Variants in ZFYVE28 observed in about 807,000 individuals in gnomAD.
ZFYVE28 encodes lateral signaling target protein 2 homolog.
In ZFYVE28, 40 loss-of-function variants were observed where a neutral mutation model predicts 82.1. The ratio of observed to expected loss-of-function variants is 0.49; its 90% CI spans 0.38 to 0.63. The LOEUF (loss-of-function observed/expected upper bound fraction) is 0.63. ZFYVE28 is among the 30% of genes least tolerant of loss of function. ZFYVE28 has a pLI of 0.00. For synonymous variants in ZFYVE28, 612 were observed against 546.1 expected, an observed-to-expected ratio of 1.12 and a Z score of -1.68; for missense variants, 1,321 against 1,242.1, an observed-to-expected ratio of 1.06 and a Z score of -0.96.
intron 6 of ZFYVE28, chr4:2,330,841 T>C (rs1560214248): frequency 6.6e-7 from 1 of 1,524,326 alleles, no homozygotes; most frequent in African/African-American, 1.5e-5. Flanking sequence ...AGCGGGTGCG[T>C]GGGGACTGGG....
chr4:2,276,078 A>G (rs1028173257), intron 8 of ZFYVE28, among the ~76,000 whole-genome samples: 1 of 152,376 alleles, frequency 6.6e-6, no homozygotes, highest in East Asian at 1.9e-4. Context: ...CAGCCTCGTG[A>G]CGTAAACCCT....
chr4:2,321,392 G>A (rs376550700), intron 6 of ZFYVE28, among the ~76,000 whole-genome samples: 22 of 152,262 alleles, frequency 1.4e-4, no homozygotes, highest in African/African-American at 5.3e-4. Flanking sequence ...AAATCGTTGG[G>A]TTTCATGTGC....
At chr4:2,354,122 G>T (rs771827977) in intron 1 of ZFYVE28, 49 bp from the exon 2 acceptor site, 1 of 1,432,096 alleles carries the variant, frequency 7.0e-7, no homozygotes, top group Admixed American at 2.6e-5. Context: ...AACTGGAGGG[G>T]ATGCCTCGGT....
rs559971909 is a variant in ZFYVE28 at position 2,372,478 on chromosome 4, G to A, written c.40-18405C>T. Among the ~76,000 whole-genome samples the A allele has an allele frequency of 5.9e-5, 9 of 151,906 alleles. No homozygotes were observed. The highest frequency in any genetic ancestry group is 2.6e-4 in the Admixed American group (4 of 15,278). On this transcript the variant is annotated intron_variant, in intron 1 of 12. Coordinates refer to ENST00000290974, the MANE Select transcript of ZFYVE28 (RefSeq NM_020972.3). This position sits in a 1 kb window ranked among gnomAD's most constrained non-coding sequence, Gnocchi z 5.2. ...ACCCAACACCTGACTCACCCGATTC[G>A]GGTCTCTGCCTGGACGTCACCATCA...
chr4:2,305,275 C>T lies in ZFYVE28; in HGVS notation c.1065G>A (p.Glu355=). 6.2e-7 allele frequency: 1 copy of T among 1,613,084 alleles called. No individual in the cohort carries two copies. Among genetic ancestry groups the T allele is most frequent in the South Asian group, 1.1e-5 (1 of 91,080 alleles). The part of the protein sequence containing the change: ...LSRMVHRAGD[E]MSSLLSPPIA... ...TGGGCGGTGAAAGCAAAGAGGACAT[C>T]TCGTCCCCCGCCCTGTGGACCATGC... Residue 355 remains glutamate, a synonymous_variant, in exon 8 of 13, where the codon GAG becomes GAA. Transcript: ENST00000290974.
chr4:2,299,338 A>G (rs1451744637), intron 8 of ZFYVE28, among the ~76,000 whole-genome samples: 3 of 151,996 alleles, frequency 2.0e-5, no homozygotes, highest in Non-Finnish European at 2.9e-5. Context: ...AGTGTTGGCG[A>G]GGGATGGCAC....
chr4:2,293,646 G>C (rs10452335), intron 8 of ZFYVE28, among the ~76,000 whole-genome samples: 1 of 150,984 alleles, frequency 6.6e-6, no homozygotes, highest in African/African-American at 2.4e-5. Flanking sequence ...CCAGCTACTC[G>C]GGAGGCTGAG....
intron 6 of ZFYVE28, chr4:2,325,027 T>G (rs1267672424): frequency 6.4e-6 from 1 of 155,500 alleles, no homozygotes; most frequent in African/African-American, 2.4e-5. Flanking sequence ...TTTAAATAAC[T>G]AGAATGCAAA....
intron 2 of ZFYVE28, 89 bp downstream of exon 2, chr4:2,353,844 G>A: frequency 7.8e-7 from 1 of 1,288,410 alleles, no homozygotes; most frequent in Non-Finnish European, 9.9e-7. Context: ...CAGGGGGCCA[G>A]CAGGTGACAA....
chr4:2,342,681 T>G (rs1432767856), intron 2 of ZFYVE28: 4 of 152,266 alleles, frequency 2.6e-5, no homozygotes, highest in Non-Finnish European at 5.9e-5. Context: ...CCCATTTTTT[T>G]ACATCTTAAA....
At chr4:2,323,010 G>A (rs546477517) in intron 6 of ZFYVE28, among the ~76,000 whole-genome samples, 34 of 152,284 alleles carry the variant, frequency 2.2e-4, no homozygotes, top group Admixed American at 1.4e-3. Context: ...ATAAACATTC[G>A]TGTAGAAGTT....
intron 1 of ZFYVE28, among the ~76,000 whole-genome samples, chr4:2,359,542 G>A (rs1372690639): frequency 6.6e-6 from 1 of 152,228 alleles, no homozygotes; most frequent in Non-Finnish European, 1.5e-5. Context: ...GGCAGGTAGA[G>A]GGCCGACTTT....
intron 1 of ZFYVE28, among the ~76,000 whole-genome samples, chr4:2,389,542 C>G (rs1729610680): frequency 6.6e-6 from 1 of 152,186 alleles, no homozygotes; most frequent in South Asian, 2.1e-4. Context: ...ACATGTAAGG[C>G]CAGGCGGCTT....
intron 1 of ZFYVE28, chr4:2,364,579 C>A: frequency 1.0e-6 from 1 of 985,570 alleles, no homozygotes; most frequent in Non-Finnish European, 1.2e-6. Flanking sequence ...CGGCACTGGG[C>A]ACAGACGCCC....
chr4:2,354,895 A>C (rs1474415962), intron 1 of ZFYVE28, among the ~76,000 whole-genome samples: 5 of 151,456 alleles, frequency 3.3e-5, no homozygotes, highest in African/African-American at 1.2e-4. Context: ...TTTGCCACAC[A>C]CCCCCCACTT....
At chr4:2,355,177 C>G (rs1725051307) in intron 1 of ZFYVE28, among the ~76,000 whole-genome samples, 1 of 111,822 alleles carries the variant, frequency 8.9e-6, no homozygotes, top group Non-Finnish European at 1.7e-5. Context: ...AAGCCCCTTA[C>G]AAAAGTGATG....
At chr4:2,351,103 G>A (rs1167559150) in intron 2 of ZFYVE28, among the ~76,000 whole-genome samples, 9 of 152,162 alleles carry the variant, frequency 5.9e-5, no homozygotes, top group African/African-American at 1.7e-4. Context: ...ACTTGGGATT[G>A]GCATCTGAAT....
chr4:2,298,409 C>A, intron 8 of ZFYVE28, among the ~76,000 whole-genome samples: 1 of 152,194 alleles, frequency 6.6e-6, no homozygotes, highest in East Asian at 1.9e-4. Context: ...CACTGCCTTT[C>A]CCCTCACATC....
chr4:2,305,644 CA>C lies in ZFYVE28; in HGVS notation c.804-109del, dbSNP rs370448401. 98 of 1,335,068 alleles carry C rather than the reference CA, an allele frequency of 7.3e-5. No individual in the cohort carries two copies. The East Asian group carries it at 2.1e-3, about 29-fold the overall frequency. 82.7% of individuals were successfully genotyped at this position (1,335,068 alleles called of 1,614,324 possible). A position where few individuals can be genotyped will look rare whatever the true frequency, so the allele number is the denominator to read the frequency against. The stretch of plus-strand genomic sequence containing the variant: ...GAGTCTGCACCAGCAGAACAACAGC[CA>C]GGCACTGAATGCTTGCAACTGAATT... On this transcript the variant is annotated intron_variant, in intron 7 of 12. Coordinates refer to ENST00000290974, the MANE Select transcript of ZFYVE28 (RefSeq NM_020972.3).
Sources: allele counts gnomAD v4.1 joint callset (sites outside exome capture counted in the v4.1 genomes callset), GRCh38; gene constraint gnomAD v4.1.1; non-coding constraint Gnocchi (gnomAD v3.1); transcripts MANE v1.5; gene names NCBI Gene and HGNC (gene_info 2026-07-23, HGNC 2026-07-21).